The following ARHGAP26 variants were observed in gnomAD, a reference collection of about 807,000 sequenced individuals.
The protein encoded by ARHGAP26 is rho GTPase-activating protein 26.
In ARHGAP26, 38 loss-of-function variants were observed where a neutral mutation model predicts 104.8. The observed-to-expected ratio is 0.36, with a 90% CI of 0.28 to 0.48. The LOEUF (loss-of-function observed/expected upper bound fraction) is 0.48. Ranked by LOEUF, ARHGAP26 falls within the 20% of genes least tolerant of loss-of-function variation. The pLI is 0.99. For missense variants in ARHGAP26, 704 were observed against 947.9 expected, an observed-to-expected ratio of 0.74 and a Z score of 3.38; for synonymous variants, 341 against 340.0, an observed-to-expected ratio of 1.00 and a Z score of -0.03.
At chr5:143,090,299 G>T (rs1194839248) in intron 17 of ARHGAP26, among the ~76,000 whole-genome samples, 1 of 152,222 alleles carries the variant, frequency 6.6e-6, no homozygotes. Context: ...GGACAGTCTG[G>T]GCCTCTGGCC....
intron 10 of ARHGAP26, among the ~76,000 whole-genome samples, chr5:142,929,468 GGAAA>G (rs1764404270): frequency 6.6e-6 from 1 of 152,046 alleles, no homozygotes; most frequent in South Asian, 2.1e-4. Flanking sequence ...AGGTAAATAT[GGAAA>G]GAAAGTTATT....
At chr5:143,024,004 T>C (rs927734457) in intron 12 of ARHGAP26, among the ~76,000 whole-genome samples, 1 of 152,210 alleles carries the variant, frequency 6.6e-6, no homozygotes, top group Non-Finnish European at 1.5e-5. Flanking sequence ...AGGTGCTGAC[T>C]TTCTACACCT....
chr5:143,036,459 G>T (rs938888068), intron 12 of ARHGAP26, among the ~76,000 whole-genome samples: 2 of 152,162 alleles, frequency 1.3e-5, no homozygotes, highest in African/African-American at 2.4e-5. Flanking sequence ...CTAGAGGATG[G>T]CCCCACTGCC....
chr5:142,825,988 G>A (rs763498152), intron 1 of ARHGAP26, among the ~76,000 whole-genome samples: 1 of 152,216 alleles, frequency 6.6e-6, no homozygotes, highest in Non-Finnish European at 1.5e-5. Context: ...TGATGAGGAA[G>A]CAAAGATAGA....
At chr5:142,837,352 T>G (rs1465064990) in intron 1 of ARHGAP26, among the ~76,000 whole-genome samples, 1 of 152,082 alleles carries the variant, frequency 6.6e-6, no homozygotes, top group Non-Finnish European at 1.5e-5. Context: ...AAATTCTGTT[T>G]TTTTTTTTCA....
chr5:143,012,114 G>A (rs115258970), intron 11 of ARHGAP26, among the ~76,000 whole-genome samples: 1 of 152,158 alleles, frequency 6.6e-6, no homozygotes. Flanking sequence ...TTAGGTATAT[G>A]CATTGATGCC....
intron 14 of ARHGAP26, among the ~76,000 whole-genome samples, chr5:143,053,068 A>G (rs1785267170): frequency 6.6e-6 from 1 of 152,136 alleles, no homozygotes; most frequent in Admixed American, 6.5e-5. Flanking sequence ...AGGATCCACC[A>G]TTTCTGCTTA....
At chr5:142,948,153 A>G (rs542842196) in intron 11 of ARHGAP26, among the ~76,000 whole-genome samples, 31 of 152,104 alleles carry the variant, frequency 2.0e-4, no homozygotes, top group Non-Finnish European at 2.4e-4. Context: ...GCGATTCAGG[A>G]TGCCTTTTCC....
intron 18 of ARHGAP26, among the ~76,000 whole-genome samples, chr5:143,123,030 G>A (rs998060680): frequency 2.6e-5 from 4 of 152,208 alleles, no homozygotes; most frequent in South Asian, 2.1e-4. Context: ...AAGCAGGGAC[G>A]TTGTGTTTTG....
At chr5:143,052,756 G>T (rs2150239061) in intron 14 of ARHGAP26, among the ~76,000 whole-genome samples, 1 of 152,222 alleles carries the variant, frequency 6.6e-6, no homozygotes. Context: ...CTTTCTATTT[G>T]GATGAAAGTG....
intron 19 of ARHGAP26, among the ~76,000 whole-genome samples, chr5:143,146,955 G>A (rs1169725877): frequency 6.6e-6 from 1 of 152,168 alleles, no homozygotes; most frequent in African/African-American, 2.4e-5. Context: ...TGCCATAGTA[G>A]GGCCACTCTT....
At chr5:142,905,988 A>G (rs1206314931) in intron 8 of ARHGAP26, among the ~76,000 whole-genome samples, 1 of 152,184 alleles carries the variant, frequency 6.6e-6, no homozygotes. Context: ...TTTAATCTGG[A>G]ACAGTTCTCC....
At chr5:142,974,270 C>T (rs1026044971) in intron 11 of ARHGAP26, among the ~76,000 whole-genome samples, 6 of 150,924 alleles carry the variant, frequency 4.0e-5, no homozygotes, top group African/African-American at 1.5e-4. Flanking sequence ...TGAAACTTTT[C>T]TCGACCTACC....
intron 1 of ARHGAP26, among the ~76,000 whole-genome samples, chr5:142,821,659 A>G (rs187537366): frequency 2.8e-4 from 42 of 152,186 alleles, no homozygotes; most frequent in Admixed American, 1.8e-3. Context: ...GCATTTTAAC[A>G]AGATACCCAG....
intron 1 of ARHGAP26, among the ~76,000 whole-genome samples, chr5:142,779,760 G>C (rs1031559052): frequency 6.6e-6 from 1 of 152,204 alleles, no homozygotes; most frequent in Admixed American, 6.5e-5. Context: ...AACTTTGGCT[G>C]TTTCTGTGCC....
chr5:142,806,220 G>A (rs945077662), intron 1 of ARHGAP26, among the ~76,000 whole-genome samples: 4 of 152,168 alleles, frequency 2.6e-5, no homozygotes, highest in Admixed American at 1.3e-4. Context: ...AGCCTCCCAA[G>A]GAGCTGGGAC....
intron 12 of ARHGAP26, among the ~76,000 whole-genome samples, chr5:143,036,889 C>T (rs1782730543): frequency 1.3e-5 from 2 of 152,142 alleles, no homozygotes; most frequent in Non-Finnish European, 2.9e-5. Flanking sequence ...TACCTGTCAC[C>T]TTATGCTGCA....
At chr5:143,181,891 T>C (rs986684835) in intron 20 of ARHGAP26, among the ~76,000 whole-genome samples, 3 of 152,232 alleles carry the variant, frequency 2.0e-5, no homozygotes, top group Admixed American at 1.3e-4. Context: ...AAATCTAAAC[T>C]GTTTCTCATG....
At chr5:142,989,224 T>C (rs1271885217) in intron 11 of ARHGAP26, among the ~76,000 whole-genome samples, 1 of 152,232 alleles carries the variant, frequency 6.6e-6, no homozygotes, top group Non-Finnish European at 1.5e-5. Flanking sequence ...CTTGTTGAAT[T>C]GATCCCTTTA....
Sources: allele counts gnomAD v4.1 joint callset (sites outside exome capture counted in the v4.1 genomes callset), GRCh38; gene constraint gnomAD v4.1.1; transcripts MANE v1.5; gene names NCBI Gene and HGNC (gene_info 2026-07-23, HGNC 2026-07-21).